Variants in SDK1 observed in about 807,000 individuals in gnomAD.
The protein encoded by SDK1 is protein sidekick-1.
In SDK1, 157 loss-of-function variants were observed where a neutral mutation model predicts 245.5. The observed-to-expected ratio is 0.64, with a 90% CI of 0.56 to 0.73. The LOEUF is 0.73. SDK1 is among the 30% of genes least tolerant of loss of function. The probability of loss-of-function intolerance (pLI) is 0.00; values close to 1 mark genes in which losing one functional copy is unlikely to be tolerated. For synonymous variants in SDK1, 1,647 were observed against 1,278.5 expected (o/e 1.29, Z -6.15); for missense variants, 3,583 against 3,002.3 (o/e 1.19, Z -4.52).
At chr7:4,215,427 C>G (rs1232314137) in intron 38 of SDK1, among the ~76,000 whole-genome samples, 1 of 152,242 alleles carries the variant, frequency 6.6e-6, no homozygotes, top group African/African-American at 2.4e-5. Flanking sequence ...AGGCAAGCAG[C>G]TTCAAAAGCA....
At chr7:4,216,412 C>G (rs1784799190) in intron 38 of SDK1, among the ~76,000 whole-genome samples, 1 of 152,162 alleles carries the variant, frequency 6.6e-6, no homozygotes, top group South Asian at 2.1e-4. Flanking sequence ...TCCCCGAGGC[C>G]CCTAGGAGAC....
intron 4 of SDK1, among the ~76,000 whole-genome samples, chr7:3,715,233 A>C (rs1190990436): frequency 6.6e-6 from 1 of 152,220 alleles, no homozygotes; most frequent in Admixed American, 6.5e-5. Flanking sequence ...TGTAAATTTA[A>C]GGTTTTATTT....
In SDK1 at chr7:4,145,279, G is replaced by A. The variant is rs376640349; in HGVS notation, c.4229-443G>A. ...AAGGAGGGAAGGAGGAGTGGCCGCT[G>A]TGGAGCTGCTGTCCTGCCTGGGGAG... On this transcript the variant is annotated intron_variant, in intron 28 of 44. Transcript: ENST00000404826. Among the ~76,000 whole-genome samples the A allele has an allele frequency of 2.1e-3, 323 of 152,314 alleles. 2 individuals carry two copies. Among genetic ancestry groups the A allele is most frequent in the African/African-American group, 7.3e-3 (305 of 41,586 alleles).
At chr7:4,012,699 G>A (rs555725872) in intron 16 of SDK1, among the ~76,000 whole-genome samples, 4 of 151,114 alleles carry the variant, frequency 2.6e-5, no homozygotes, top group African/African-American at 4.9e-5. Flanking sequence ...TCAGCCTCCC[G>A]AGTAGCTGGG....
chr7:4,101,439 A>G (rs541422577), intron 22 of SDK1, among the ~76,000 whole-genome samples: 102 of 152,228 alleles, frequency 6.7e-4, no homozygotes, highest in Middle Eastern at 3.4e-3. Context: ...GAGCCACCGC[A>G]CCCGGCGGAA....
intron 4 of SDK1, among the ~76,000 whole-genome samples, chr7:3,785,077 T>G (rs184407465): frequency 6.6e-6 from 1 of 152,298 alleles, no homozygotes; most frequent in East Asian, 1.9e-4. Flanking sequence ...TCAGAGAGCG[T>G]TATCCTCAGT....
rs200638033 is a variant in SDK1 at position 4,079,532 on chromosome 7, G to A, written c.3272G>A (p.Arg1091Gln). 51 of 1,614,084 alleles carry A rather than the reference G, an allele frequency of 3.2e-5. No homozygotes were observed. The highest frequency in any genetic ancestry group is 1.6e-4 in the Middle Eastern group (1 of 6,084). ...ISPRSATLQF[R>Q]PGYDGKTSIS... ...CCTCGCTCCGCCACCCTTCAGTTCC[G>A]GCCAGGCTATGACGGGAAAACGTCC... The change falls in exon 22 of 45, where the codon CGG becomes CAG. Residue 1091 changes from arginine to glutamine, a missense_variant. Arg to Gln is a conservative substitution (Grantham distance 43, BLOSUM62 1). Transcript: ENST00000404826.
chr7:3,980,439 C>T (rs560785758), intron 13 of SDK1, among the ~76,000 whole-genome samples: 8 of 152,282 alleles, frequency 5.3e-5, no homozygotes, highest in African/African-American at 1.9e-4. Context: ...CATTTATCAG[C>T]CTCTGTGCTT....
At chr7:4,003,226 C>T (rs1431729602) in intron 14 of SDK1, among the ~76,000 whole-genome samples, 2 of 152,252 alleles carry the variant, frequency 1.3e-5, no homozygotes, top group Non-Finnish European at 2.9e-5. Context: ...AGGTTCCACG[C>T]AGGGCCTCCT....
intron 4 of SDK1, among the ~76,000 whole-genome samples, chr7:3,804,684 ATCCATGAAC>A (rs1247312325): frequency 6.6e-6 from 1 of 152,174 alleles, no homozygotes; most frequent in Non-Finnish European, 1.5e-5. Flanking sequence ...GTGTTTTCCA[ATCCATGAAC>A]TCTTTATCAC....
chr7:3,515,551 A>G (rs1238651242), intron 1 of SDK1, among the ~76,000 whole-genome samples: 1 of 152,198 alleles, frequency 6.6e-6, no homozygotes, highest in African/African-American at 2.4e-5. Flanking sequence ...TTGTGATCAA[A>G]TCAAGTGTTC....
At chr7:3,625,606 T>C (rs1460525696) in intron 2 of SDK1, among the ~76,000 whole-genome samples, 1 of 152,244 alleles carries the variant, frequency 6.6e-6, no homozygotes, top group Non-Finnish European at 1.5e-5. Context: ...TTGCAACGTC[T>C]ATGGAGTCTT....
chr7:4,197,050 C>T (rs1441944738), intron 35 of SDK1, among the ~76,000 whole-genome samples: 1 of 152,224 alleles, frequency 6.6e-6, no homozygotes, highest in Non-Finnish European at 1.5e-5. Context: ...GGAGTGGCCT[C>T]CAACGATCTG....
At chr7:4,099,137 G>A (rs376872737) in intron 22 of SDK1, among the ~76,000 whole-genome samples, 14 of 152,016 alleles carry the variant, frequency 9.2e-5, no homozygotes, top group African/African-American at 2.2e-4. Context: ...ACAGTCTTTC[G>A]ATGGGAGGGA....
At chr7:3,787,215 A>G (rs967622808) in intron 4 of SDK1, among the ~76,000 whole-genome samples, 13 of 151,394 alleles carry the variant, frequency 8.6e-5, no homozygotes, top group Non-Finnish European at 1.8e-4. Flanking sequence ...TTCTCAGTGG[A>G]CTATTGCCGT....
chr7:3,550,118 A>G (rs764447976), intron 1 of SDK1, among the ~76,000 whole-genome samples: 4 of 152,182 alleles, frequency 2.6e-5, no homozygotes, highest in South Asian at 2.1e-4. Context: ...GCATGCATAC[A>G]TATTTCAACA....
chr7:3,948,738 C>A (rs1420864838), intron 5 of SDK1, among the ~76,000 whole-genome samples: 1 of 152,200 alleles, frequency 6.6e-6, no homozygotes, highest in East Asian at 1.9e-4. Flanking sequence ...TTGGAGTCTG[C>A]CAGGAGCTGA....
chr7:3,754,774 A>G (rs1779872976), intron 4 of SDK1, among the ~76,000 whole-genome samples: 2 of 152,216 alleles, frequency 1.3e-5, no homozygotes, highest in Non-Finnish European at 2.9e-5. Flanking sequence ...TTGACAAGAT[A>G]GTACCCGATT....
At chr7:3,942,092 G>C (rs928030596) in intron 5 of SDK1, among the ~76,000 whole-genome samples, 3 of 152,040 alleles carry the variant, frequency 2.0e-5, no homozygotes, top group Non-Finnish European at 4.4e-5. Context: ...ATTTTTAGTG[G>C]AGACGGGGTT....
Sources: gnomAD v4.1 joint callset for allele counts (sites outside exome capture counted in the v4.1 genomes callset) on GRCh38, gnomAD v4.1.1 for gene constraint, MANE v1.5 for transcripts, NCBI Gene and HGNC (gene_info 2026-07-23, HGNC 2026-07-21) for gene names.